ST18: variants seen among roughly 807,000 people sequenced by gnomAD.
The protein encoded by ST18 is suppression of tumorigenicity 18 protein.
A neutral mutation model predicts 110.0 loss-of-function variants in ST18; 50 were observed. That is an observed-to-expected ratio of 0.45 (90% CI 0.36 to 0.58). The LOEUF is 0.58. ST18 is among the 20% of genes least tolerant of loss of function. The pLI is 0.00. For missense variants in ST18, 1,306 were observed against 1,280.1 expected, an observed-to-expected ratio of 1.02 and a Z score of -0.31; for synonymous variants, 461 against 452.4, an observed-to-expected ratio of 1.02 and a Z score of -0.24.
At chr8:52,256,593 C>T (rs2094535953) in intron 2 of ST18, among the ~76,000 whole-genome samples, 1 of 152,160 alleles carries the variant, frequency 6.6e-6, no homozygotes. Context: ...AAATGAATCC[C>T]TATACTGAGC....
At chr8:52,333,611 G>A (rs1810648240) in intron 2 of ST18, among the ~76,000 whole-genome samples, 1 of 152,192 alleles carries the variant, frequency 6.6e-6, no homozygotes, top group Admixed American at 6.5e-5. Context: ...GGCGAAGCCA[G>A]GGAAGAGATA....
At chr8:52,187,318 G>A (rs7001880) in intron 8 of ST18, among the ~76,000 whole-genome samples, 2 of 152,046 alleles carry the variant, frequency 1.3e-5, no homozygotes, top group East Asian at 3.9e-4. Flanking sequence ...TATCTCTAAA[G>A]CTCAGAGAGG....
intron 2 of ST18, among the ~76,000 whole-genome samples, chr8:52,238,300 G>A (rs1004238104): frequency 6.6e-6 from 1 of 151,882 alleles, no homozygotes; most frequent in Non-Finnish European, 1.5e-5. Flanking sequence ...GCCAAAAATT[G>A]GAAACAACCC....
intron 2 of ST18, among the ~76,000 whole-genome samples, chr8:52,369,569 A>C (rs1829485692): frequency 6.6e-6 from 1 of 152,218 alleles, no homozygotes; most frequent in South Asian, 2.1e-4. Flanking sequence ...TATCTTGTTT[A>C]AGCCACTGTT....
intron 12 of ST18, 143 bp downstream of exon 12, chr8:52,164,992 A>ATATTTCT: frequency 1.4e-6 from 1 of 728,744 alleles, no homozygotes; most frequent in Admixed American, 2.5e-5. Context: ...CATGCTGAGA[A>ATATTTCT]TATTTCTTCT....
chr8:52,297,257 G>A (rs140953277), intron 2 of ST18, among the ~76,000 whole-genome samples: 95 of 152,326 alleles, frequency 6.2e-4, no homozygotes, highest in Middle Eastern at 6.8e-3. Context: ...CGTGAAGTGT[G>A]TGACAGTGCC....
At chr8:52,267,615 A>T (rs2138805497) in intron 2 of ST18, among the ~76,000 whole-genome samples, 1 of 152,302 alleles carries the variant, frequency 6.6e-6, no homozygotes, top group South Asian at 2.1e-4. Flanking sequence ...TGGGGAAAAT[A>T]TATACCTATT....
intron 2 of ST18, among the ~76,000 whole-genome samples, chr8:52,290,674 G>A (rs1468352791): frequency 1.3e-5 from 2 of 152,032 alleles, no homozygotes; most frequent in African/African-American, 2.4e-5. Flanking sequence ...TGAGCCCTGC[G>A]CATCCAGTTA....
chr8:52,214,107 T>C (rs889171332), intron 7 of ST18, 96 bp downstream of exon 7: 34 of 1,327,788 alleles, frequency 2.6e-5, no homozygotes, highest in Non-Finnish European at 3.5e-5. Flanking sequence ...GAGGAAGTTG[T>C]AATCATTCTG....
intron 15 of ST18, among the ~76,000 whole-genome samples, chr8:52,152,239 T>C (rs2058999796): frequency 6.6e-6 from 1 of 152,196 alleles, no homozygotes; most frequent in African/African-American, 2.4e-5. Flanking sequence ...AGGGTCCCTT[T>C]CTGCCCATAG....
chr8:52,205,111 A>C (rs72641881), intron 8 of ST18, among the ~76,000 whole-genome samples: 5,327 of 151,060 alleles, frequency 0.035, 175 homozygotes, highest in East Asian at 0.11. Flanking sequence ...ACACACACAC[A>C]CACACTATGC....
At chr8:52,245,942 T>A (rs2137938402) in intron 2 of ST18, among the ~76,000 whole-genome samples, 1 of 152,130 alleles carries the variant, frequency 6.6e-6, no homozygotes, top group East Asian at 1.9e-4. Flanking sequence ...GATCGGAAAT[T>A]CTCAGCAACA....
chr8:52,264,628 A>C (rs1405049879), intron 2 of ST18, among the ~76,000 whole-genome samples: 5 of 152,196 alleles, frequency 3.3e-5, no homozygotes, highest in Non-Finnish European at 7.3e-5. Context: ...GAATGATTAG[A>C]ATTCTGTCCT....
rs181120503 is a variant in ST18, at chr8:52,297,085, C to T, written c.-464-67008G>A. On this transcript the variant is annotated intron_variant, in intron 2 of 25. Coordinates refer to ENST00000689386, the MANE Select transcript of ST18 (RefSeq NM_001352837.2). ...GATAGCCCGTGAACAGACCCCAACT[C>T]ATATAAGAATCTGTGTGTAGTGCAG... is the stretch of plus-strand genomic sequence containing the variant. Among the ~76,000 whole-genome samples the T allele has an allele frequency of 2.2e-3, 335 of 152,328 alleles. 1 individual carries two copies. Among genetic ancestry groups the T allele is most frequent in the Non-Finnish European group, 3.9e-3 (265 of 68,036 alleles).
intron 2 of ST18, among the ~76,000 whole-genome samples, chr8:52,267,733 T>C (rs1178977573): frequency 6.6e-6 from 1 of 151,812 alleles, no homozygotes; most frequent in Non-Finnish European, 1.5e-5. Flanking sequence ...ACAGAAAAAA[T>C]GTTAAGCGGG....
chr8:52,205,168 G>C (rs2079521404), intron 8 of ST18, among the ~76,000 whole-genome samples: 1 of 149,738 alleles, frequency 6.7e-6, no homozygotes, highest in Non-Finnish European at 1.5e-5. Context: ...TATATATTAT[G>C]TACTATGTAA....
At chr8:52,196,119 C>T (rs2076112753) in intron 8 of ST18, among the ~76,000 whole-genome samples, 1 of 152,138 alleles carries the variant, frequency 6.6e-6, no homozygotes, top group Non-Finnish European at 1.5e-5. Flanking sequence ...GACTTGGGTG[C>T]TGCTTAAGCA....
At chr8:52,176,044 C>T (rs540626206) in intron 9 of ST18, among the ~76,000 whole-genome samples, 7 of 150,296 alleles carry the variant, frequency 4.7e-5, no homozygotes, top group Non-Finnish European at 8.9e-5. Context: ...TTTTTTTAGA[C>T]GGAGTCTCCC....
At chr8:52,121,599 C>T (rs976636157) in intron 23 of ST18, among the ~76,000 whole-genome samples, 2 of 152,140 alleles carry the variant, frequency 1.3e-5, no homozygotes, top group Non-Finnish European at 2.9e-5. Context: ...TTTATTACCT[C>T]AAAGTATGGA....
Sources: allele counts gnomAD v4.1 joint callset (sites outside exome capture counted in the v4.1 genomes callset), GRCh38; gene constraint gnomAD v4.1.1; transcripts MANE v1.5; gene names NCBI Gene and HGNC (gene_info 2026-07-23, HGNC 2026-07-21).